FRMD4A: variants seen among roughly 807,000 people sequenced by gnomAD.
FRMD4A encodes the protein FERM domain-containing protein 4A.
In FRMD4A, 29 loss-of-function variants were observed where a neutral mutation model predicts 129.1. The ratio of observed to expected loss-of-function variants is 0.22; its 90% CI spans 0.17 to 0.31. The LOEUF (loss-of-function observed/expected upper bound fraction) is 0.31, where lower values mean the gene tolerates loss of function less well. FRMD4A is among the 10% of genes least tolerant of loss of function. The pLI is 1.00. For synonymous variants in FRMD4A, 634 were observed against 571.6 expected (o/e 1.11, Z -1.56); for missense variants, 1,272 against 1,375.8 (o/e 0.92, Z 1.19).
At chr10:14,259,606 A>G (rs1050216476) in intron 2 of FRMD4A, among the ~76,000 whole-genome samples, 3 of 152,084 alleles carry the variant, frequency 2.0e-5, no homozygotes, top group Non-Finnish European at 4.4e-5. Context: ...TTTTCTTTAT[A>G]ATTTCTTCTA....
In FRMD4A at chr10:14,111,651, T is replaced by C. The variant is rs1837906913; in HGVS notation, c.45+218407A>G. On this transcript the variant is annotated intron_variant, in intron 2 of 24. Transcript: ENST00000357447. ...AATTCATACATATAAGAAATGTCTATGAAACCTACCTACTATGGGCAATGC... is the reference window on the plus strand; with the variant it reads ...AATTCATACATATAAGAAATGTCTACGAAACCTACCTACTATGGGCAATGC... Among the ~76,000 whole-genome samples, 3 of 152,122 alleles carry C rather than the reference T, an allele frequency of 2.0e-5. No homozygotes were observed. In the South Asian group the frequency reaches 6.2e-4, roughly 32 times the overall value.
chr10:13,661,113 C>T lies in FRMD4A; in HGVS notation c.1661-560G>A, dbSNP rs74539039. 2.6e-5 allele frequency among the ~76,000 whole-genome samples: 4 copies of T among 152,264 alleles called. No individual in the cohort carries two copies. In the East Asian group the frequency reaches 7.7e-4, roughly 29 times the overall value. On this transcript the variant is annotated intron_variant, in intron 19 of 24. Coordinates refer to ENST00000357447, the MANE Select transcript of FRMD4A (RefSeq NM_018027.5). Reference sequence around the variant, plus strand: ...CGGGTGTCTACTCTGCTTTTTTCCCCCAGAGCTGTGTTTATTCTCTTTTAA... The same window carrying T: ...CGGGTGTCTACTCTGCTTTTTTCCCTCAGAGCTGTGTTTATTCTCTTTTAA...
chr10:14,137,628 T>C (rs1839607287), intron 2 of FRMD4A, among the ~76,000 whole-genome samples: 1 of 152,150 alleles, frequency 6.6e-6, no homozygotes, highest in African/African-American at 2.4e-5. Flanking sequence ...GGAAAACCTG[T>C]TCTTGGTGAA....
chr10:13,800,843 A>G (rs548621756), intron 4 of FRMD4A, among the ~76,000 whole-genome samples: 1 of 152,382 alleles, frequency 6.6e-6, no homozygotes, highest in South Asian at 2.1e-4. Flanking sequence ...TCCCCACATT[A>G]AACTGTCTAA....
intron 11 of FRMD4A, among the ~76,000 whole-genome samples, 170 bp downstream of exon 11, chr10:13,740,024 C>T (rs996990225): frequency 3.3e-5 from 5 of 152,144 alleles, no homozygotes; most frequent in East Asian, 1.9e-4. Flanking sequence ...CGCTTGAACC[C>T]GGGAGGTGGA....
chr10:13,767,634 T>G (rs542447915), intron 6 of FRMD4A, among the ~76,000 whole-genome samples: 1 of 152,322 alleles, frequency 6.6e-6, no homozygotes, highest in Admixed American at 6.5e-5. Flanking sequence ...TTTCCTGGGA[T>G]TCTGGGCTTT....
chr10:14,296,572 G>A (rs923739703), intron 2 of FRMD4A, among the ~76,000 whole-genome samples: 1 of 152,198 alleles, frequency 6.6e-6, no homozygotes, highest in Non-Finnish European at 1.5e-5. Flanking sequence ...CCAGTGAAAT[G>A]GGTTAGTATC....
rs550743892 is a variant in FRMD4A at position 14,094,210 on chromosome 10, G to A, written c.46-235298C>T. 1.4e-4 allele frequency among the ~76,000 whole-genome samples: 22 copies of A among 152,312 alleles called. No homozygotes were observed. The East Asian group carries it at 3.1e-3, about 21-fold the overall frequency. On this transcript the variant is annotated intron_variant, in intron 2 of 24. Coordinates refer to ENST00000357447, the MANE Select transcript of FRMD4A (RefSeq NM_018027.5). ...GGACTGTTCCCTTTGATTCCCCTTC[G>A]GTTGAACCCAAATGCCAGACGACAT...
intron 2 of FRMD4A, among the ~76,000 whole-genome samples, chr10:13,963,261 G>A (rs1185620505): frequency 6.0e-5 from 8 of 134,262 alleles, no homozygotes; most frequent in African/African-American, 2.2e-4. Context: ...CTTCCTTGGT[G>A]CAAGCCTCTT....
intron 5 of FRMD4A, among the ~76,000 whole-genome samples, chr10:13,784,905 C>T (rs183406461): frequency 4.0e-5 from 6 of 150,522 alleles, no homozygotes; most frequent in Middle Eastern, 3.4e-3. Flanking sequence ...GCAGAAGAAT[C>T]GCTTGAACCC....
intron 2 of FRMD4A, among the ~76,000 whole-genome samples, chr10:14,110,804 AT>A (rs965054186): frequency 1.3e-5 from 2 of 151,984 alleles, no homozygotes; most frequent in Non-Finnish European, 2.9e-5. Flanking sequence ...GGTTATTTAA[AT>A]TTTTTAGTTC....
chr10:14,227,452 A>G (rs1356710239), intron 2 of FRMD4A, among the ~76,000 whole-genome samples: 1 of 151,676 alleles, frequency 6.6e-6, no homozygotes, highest in Non-Finnish European at 1.5e-5. Flanking sequence ...AGGTTTCGCC[A>G]TGTTGGCTGG....
chr10:13,705,204 A>AC (rs1358981742), intron 13 of FRMD4A, among the ~76,000 whole-genome samples: 2 of 152,186 alleles, frequency 1.3e-5, no homozygotes, highest in African/African-American at 4.8e-5. Context: ...TTCGCAAGAA[A>AC]CATGACATTG....
intron 2 of FRMD4A, among the ~76,000 whole-genome samples, chr10:14,133,468 C>T (rs377283781): frequency 8.1e-4 from 123 of 152,300 alleles, no homozygotes; most frequent in African/African-American, 2.9e-3. Context: ...TCTCTAGATG[C>T]TTGGGCATCT....
At chr10:14,324,584 T>C (rs1843190517) in intron 2 of FRMD4A, among the ~76,000 whole-genome samples, 2 of 152,310 alleles carry the variant, frequency 1.3e-5, no homozygotes, top group Middle Eastern at 3.4e-3. Flanking sequence ...TCCATAAAAG[T>C]TGTCAATATC....
At chr10:14,276,606 C>G (rs1158827318) in intron 2 of FRMD4A, among the ~76,000 whole-genome samples, 1 of 152,194 alleles carries the variant, frequency 6.6e-6, no homozygotes, top group Non-Finnish European at 1.5e-5. Context: ...CCCAGGGAAG[C>G]CCAAAGTTGG....
chr10:13,826,473 A>G lies in FRMD4A; in HGVS notation c.112-15565T>C, dbSNP rs76474392. On this transcript the variant is annotated intron_variant, in intron 3 of 24. Transcript: ENST00000357447. ...CTCCTCCTTGCACCTGTCTCTGCCT[A>G]TTGGTTCTTTGGGGTTAAAATTCCA... 0.013 allele frequency among the ~76,000 whole-genome samples: 1,954 copies of G among 152,150 alleles called. 100 individuals are homozygous for G. The East Asian group carries it at 0.14, about 11-fold the overall frequency.
chr10:13,893,910 C>T (rs533235397), intron 2 of FRMD4A, among the ~76,000 whole-genome samples: 2 of 152,304 alleles, frequency 1.3e-5, no homozygotes, highest in African/African-American at 4.8e-5. Context: ...TGGCCACTGT[C>T]ATATTCTGTA....
intron 6 of FRMD4A, among the ~76,000 whole-genome samples, chr10:13,763,919 C>T (rs960642365): frequency 6.6e-6 from 1 of 151,896 alleles, no homozygotes; most frequent in African/African-American, 2.4e-5. Flanking sequence ...GTATTTAGTA[C>T]AGACGGGGTA....
Sources: gnomAD v4.1 joint callset for allele counts (sites outside exome capture counted in the v4.1 genomes callset) on GRCh38, gnomAD v4.1.1 for gene constraint, MANE v1.5 for transcripts, NCBI Gene and HGNC (gene_info 2026-07-23, HGNC 2026-07-21) for gene names.